The following PLEKHG1 variants were observed in gnomAD, a reference collection of about 807,000 sequenced individuals.
PLEKHG1 encodes the protein pleckstrin homology and RhoGEF domain containing G1.
Under a neutral mutation model 100.8 loss-of-function variants are expected in PLEKHG1, and 44 were observed. The observed-to-expected ratio is 0.44, with a 90% CI of 0.34 to 0.56. The LOEUF is 0.56. Ranked by LOEUF, PLEKHG1 falls within the 20% of genes least tolerant of loss-of-function variation. The probability of loss-of-function intolerance (pLI) is 0.01; values close to 1 mark genes in which losing one functional copy is unlikely to be tolerated. For synonymous variants in PLEKHG1, 640 were observed against 662.5 expected, an observed-to-expected ratio of 0.97 and a Z score of 0.52; for missense variants, 1,545 against 1,720.9, an observed-to-expected ratio of 0.90 and a Z score of 1.81.
intron 2 of PLEKHG1, among the ~76,000 whole-genome samples, chr6:150,748,063 A>C (rs1197444280): frequency 6.6e-6 from 1 of 152,156 alleles, no homozygotes; most frequent in African/African-American, 2.4e-5. Flanking sequence ...CCCCAGCCTC[A>C]GGGAACCAGC....
At chr6:150,636,148 G>A (rs1313241280) in intron 1 of PLEKHG1, among the ~76,000 whole-genome samples, 1 of 152,070 alleles carries the variant, frequency 6.6e-6, no homozygotes, top group Non-Finnish European at 1.5e-5. Flanking sequence ...AAAAAACATT[G>A]TATCTATAGA....
At chr6:150,670,781 ATTG>A (rs953661261) in intron 3 of PLEKHG1, among the ~76,000 whole-genome samples, 2 of 151,870 alleles carry the variant, frequency 1.3e-5, no homozygotes, top group African/African-American at 4.8e-5. Flanking sequence ...TTATTTTATT[ATTG>A]TTGTTGTTGT....
chr6:150,679,059 T>G (rs968178692), intron 3 of PLEKHG1, among the ~76,000 whole-genome samples: 1 of 152,182 alleles, frequency 6.6e-6, no homozygotes, highest in African/African-American at 2.4e-5. Flanking sequence ...AATCAAAATT[T>G]TAAACTCTTA....
At position 150,761,097 on chromosome 6, in the gene PLEKHG1, T is replaced by A. The variant is rs577755319; in HGVS notation, c.412-7541T>A. Among the ~76,000 whole-genome samples, 3 of 138,656 alleles carry A rather than the reference T, an allele frequency of 2.2e-5. No individual in the cohort carries two copies. The East Asian group carries it at 6.6e-4, about 30-fold the overall frequency. The allele number at this position is 138,656 out of a possible 152,430, so 91.0% of individuals were successfully genotyped here. ...GAAAACAATTGATTTCTTTCTTTTT[T>A]TCTTTTTTTTTTTTTTTTTTTTTTT... On this transcript the variant is annotated intron_variant, in intron 2 of 15. Coordinates refer to ENST00000358517, the Ensembl canonical transcript of PLEKHG1.
rs114442399 is a variant in PLEKHG1, at chr6:150,667,547, G to T, written c.-99+16761G>T. 6.7e-3 allele frequency among the ~76,000 whole-genome samples: 1,023 copies of T among 152,254 alleles called. 13 individuals are homozygous for T. The highest frequency in any genetic ancestry group is 0.023 in the African/African-American group (968 of 41,538). On this transcript the variant is annotated intron_variant, in intron 3 of 3. Coordinates refer to the PLEKHG1 transcript ENST00000367326. ...TAGTAGTCTGAAGTACAGAATCCAA[G>T]GACAGCCTCCTGTGGTTTATTACTT...
chr6:150,651,134 G>A (rs534663657), intron 3 of PLEKHG1: 1 of 152,308 alleles, frequency 6.6e-6, no homozygotes, highest in East Asian at 1.9e-4. Flanking sequence ...TGTGAATATA[G>A]TTTCTCTGTC....
chr6:150,711,456 T>A (rs1273371588), intron 3 of PLEKHG1, among the ~76,000 whole-genome samples: 1 of 152,186 alleles, frequency 6.6e-6, no homozygotes, highest in Non-Finnish European at 1.5e-5. Flanking sequence ...TTCTCTTGTA[T>A]TTTCCTAAAG....
Position 150,795,888 on chromosome 6 carries a change from C to A in PLEKHG1, c.615C>A (p.Cys205Ter). 6.2e-7 allele frequency: 1 copy of A among 1,602,804 alleles called. No individual in the cohort carries two copies. Among genetic ancestry groups the A allele is most frequent in the Non-Finnish European group, 8.5e-7 (1 of 1,170,278 alleles). The change falls in exon 5 of 16, where the codon TGC becomes TGA. Residue 205 changes from cysteine to a stop codon, truncating the protein, a stop_gained. Transcript: ENST00000358517. LOFTEE classifies it high-confidence loss of function. The stretch of plus-strand genomic sequence containing the variant: ...AGTTCCACATTTATACCCAGTATTG[C>A]ACTAACTATCCAAGGTATGGATCGA...
chr6:150,642,325 G>C (rs951965034), intron 2 of PLEKHG1, among the ~76,000 whole-genome samples: 1 of 152,176 alleles, frequency 6.6e-6, no homozygotes, highest in Admixed American at 6.5e-5. Flanking sequence ...AAAAGGTGGT[G>C]CTTATAAAAT....
chr6:150,665,462 CTACAAAAAA>C (rs971009510), intron 3 of PLEKHG1, among the ~76,000 whole-genome samples: 1 of 151,852 alleles, frequency 6.6e-6, no homozygotes, highest in Non-Finnish European at 1.5e-5. Context: ...AACCCTGTCT[CTACAAAAAA>C]TACAAAAAAT....
intron 2 of PLEKHG1, among the ~76,000 whole-genome samples, chr6:150,766,280 T>C (rs1784450515): frequency 6.6e-6 from 1 of 152,026 alleles, no homozygotes; most frequent in South Asian, 2.1e-4. Flanking sequence ...AGGGTAACCA[T>C]AGGTGCTGAC....
chr6:150,742,223 C>T (rs960891862), intron 2 of PLEKHG1, among the ~76,000 whole-genome samples: 2 of 152,118 alleles, frequency 1.3e-5, no homozygotes, highest in Non-Finnish European at 2.9e-5. Flanking sequence ...TCTCAGGAAG[C>T]CTCCAACCAT....
chr6:150,731,984 C>T lies in PLEKHG1; in HGVS notation c.-98-1600C>T, dbSNP rs1251229776. 5.0e-3 allele frequency among the ~76,000 whole-genome samples: 581 copies of T among 116,050 alleles called. 5 individuals carry two copies. Among genetic ancestry groups the T allele is most frequent in the African/African-American group, 0.021 (540 of 26,188 alleles). 76.1% of individuals were successfully genotyped at this position (116,050 alleles called of 152,430 possible). A position where few individuals can be genotyped will look rare whatever the true frequency, so the allele number is the denominator to read the frequency against. ...TGACTTTTTTTTTTTTTTTTTGAGA[C>T]GGACTCTCTCTCTGTCGCCCAGTCT... On this transcript the variant is annotated intron_variant, in intron 1 of 15. Coordinates refer to ENST00000358517, the Ensembl canonical transcript of PLEKHG1.
intron 3 of PLEKHG1, among the ~76,000 whole-genome samples, chr6:150,774,348 G>T (rs1784847502): frequency 6.6e-6 from 1 of 151,906 alleles, no homozygotes; most frequent in South Asian, 2.1e-4. Flanking sequence ...AAATTTTATT[G>T]TGAATATTGA....
At chr6:150,613,667 G>A (rs1170571020) in intron 1 of PLEKHG1, among the ~76,000 whole-genome samples, 2 of 152,146 alleles carry the variant, frequency 1.3e-5, no homozygotes, top group East Asian at 1.9e-4. Context: ...TAGGAGGGCC[G>A]CCTGGCTTCT....
intron 4 of PLEKHG1, among the ~76,000 whole-genome samples, chr6:150,789,762 AG>A (rs1386133575): frequency 1.3e-5 from 2 of 152,204 alleles, no homozygotes; most frequent in African/African-American, 4.8e-5. Flanking sequence ...AAAAAGTATG[AG>A]CCAATCAGAG....
intron 3 of PLEKHG1, among the ~76,000 whole-genome samples, chr6:150,710,944 G>A (rs938812083): frequency 5.3e-5 from 8 of 152,178 alleles, no homozygotes; most frequent in Non-Finnish European, 8.8e-5. Context: ...CAGTGTGCAC[G>A]TCACACAGTC....
intron 3 of PLEKHG1, among the ~76,000 whole-genome samples, chr6:150,770,765 C>T (rs1784680238): frequency 6.6e-6 from 1 of 152,128 alleles, no homozygotes; most frequent in African/African-American, 2.4e-5. Context: ...TCCTGTGAGC[C>T]CCTGCACAGT....
At chr6:150,797,834 CAAAAAAAAAAAAAAAAAAAAAAAAAAA>C (rs58218481) in intron 5 of PLEKHG1, among the ~76,000 whole-genome samples, 1 of 23,882 alleles carries the variant, frequency 4.2e-5, no homozygotes, top group Admixed American at 9.2e-4. Flanking sequence ...GACTCTGTCT[CAAAAAAAAAAAAAAAAAAAAAAAAAAA>C]AAAAAAAAAG....
Sources: allele counts gnomAD v4.1 joint callset (sites outside exome capture counted in the v4.1 genomes callset), GRCh38; gene constraint gnomAD v4.1.1; transcripts MANE v1.5; gene names NCBI Gene and HGNC (gene_info 2026-07-23, HGNC 2026-07-21).